JMJD1C: variants seen among roughly 807,000 people sequenced by gnomAD.
JMJD1C encodes jumonji domain containing 1C, also known as jumonji domain-containing protein 1C.
Under a neutral mutation model 245.3 loss-of-function variants are expected in JMJD1C, and 31 were observed. The observed-to-expected ratio is 0.13, with a 90% confidence interval of 0.09 to 0.17. JMJD1C has a LOEUF of 0.17. Ranked by LOEUF, JMJD1C falls within the 10% of genes least tolerant of loss-of-function variation. JMJD1C has a pLI of 1.00. For missense variants in JMJD1C, 2,691 were observed against 3,000.2 expected, an observed-to-expected ratio of 0.90 and a Z score of 2.41; for synonymous variants, 1,057 against 1,017.4, an observed-to-expected ratio of 1.04 and a Z score of -0.74.
chr10:63,225,903 G>A (rs1339364535), intron 3 of JMJD1C, among the ~76,000 whole-genome samples: 1 of 152,058 alleles, frequency 6.6e-6, no homozygotes, highest in East Asian at 1.9e-4. Context: ...GTTCAGAGAG[G>A]TTCATGGTTA....
chr10:63,428,023 T>A, intron 1 of JMJD1C: 1 of 615,134 alleles, frequency 1.6e-6, no homozygotes, highest in Non-Finnish European at 3.0e-6. Context: ...CTGTACTTTA[T>A]CATTAAAAAT....
At chr10:63,516,905 C>G (rs1437751286) in intron 1 of JMJD1C, among the ~76,000 whole-genome samples, 2 of 152,058 alleles carry the variant, frequency 1.3e-5, no homozygotes, top group African/African-American at 2.4e-5. Flanking sequence ...CCAAACTGAA[C>G]CTCTGTTGTA....
At chr10:63,192,657 C>T (rs983290816) in intron 16 of JMJD1C, among the ~76,000 whole-genome samples, 1 of 152,074 alleles carries the variant, frequency 6.6e-6, no homozygotes, top group African/African-American at 2.4e-5. Context: ...ATCGCCTGGG[C>T]CTGAGAGGTC....
intron 2 of JMJD1C, among the ~76,000 whole-genome samples, chr10:63,368,813 A>T (rs1946065708): frequency 2.0e-5 from 3 of 152,040 alleles, no homozygotes; most frequent in Admixed American, 1.3e-4. Flanking sequence ...CAGCCTCCCA[A>T]GTAGCTGGGA....
intron 3 of JMJD1C, among the ~76,000 whole-genome samples, chr10:63,253,140 G>A (rs1022946279): frequency 7.9e-5 from 12 of 152,086 alleles, no homozygotes; most frequent in African/African-American, 2.4e-4. Flanking sequence ...ATTATTCAGC[G>A]GTAGAAAAGT....
At chr10:63,323,890 T>C (rs1335905609) in intron 2 of JMJD1C, among the ~76,000 whole-genome samples, 1 of 152,110 alleles carries the variant, frequency 6.6e-6, no homozygotes, top group Non-Finnish European at 1.5e-5. Context: ...CAAAATCCCA[T>C]GATCTGCAGC....
At chr10:63,432,798 T>C (rs1323004419) in intron 1 of JMJD1C, among the ~76,000 whole-genome samples, 1 of 152,204 alleles carries the variant, frequency 6.6e-6, no homozygotes, top group Admixed American at 6.5e-5. Flanking sequence ...ACATTGTTGA[T>C]GTTTATTTTA....
chr10:63,169,715 C>T (rs1842175057), intron 24 of JMJD1C, among the ~76,000 whole-genome samples: 1 of 152,192 alleles, frequency 6.6e-6, no homozygotes, highest in Non-Finnish European at 1.5e-5. Context: ...TTTCTTTAAT[C>T]ATTAGGCTGT....
intron 1 of JMJD1C, among the ~76,000 whole-genome samples, chr10:63,479,974 G>A (rs1298544199): frequency 6.6e-6 from 1 of 152,132 alleles, no homozygotes; most frequent in African/African-American, 2.4e-5. Context: ...TTCTTTGGGT[G>A]ATAGATTTGC....
chr10:63,245,469 A>G (rs1017737204), intron 3 of JMJD1C, among the ~76,000 whole-genome samples: 2 of 127,242 alleles, frequency 1.6e-5, no homozygotes, highest in African/African-American at 5.7e-5. Flanking sequence ...GAGCTTCTGC[A>G]GGGGAACTCT....
chr10:63,313,411 G>C (rs555638101), intron 2 of JMJD1C, among the ~76,000 whole-genome samples: 1 of 152,240 alleles, frequency 6.6e-6, no homozygotes, highest in East Asian at 1.9e-4. Context: ...ACATGACTGT[G>C]CAAGTATCTT....
intron 3 of JMJD1C, among the ~76,000 whole-genome samples, chr10:63,250,835 G>A (rs1852959509): frequency 6.6e-6 from 1 of 152,104 alleles, no homozygotes; most frequent in Non-Finnish European, 1.5e-5. Context: ...CGATCTCCTG[G>A]GCTCAAGCAA....
chr10:63,330,504 TTACATA>T (rs1232557877), intron 2 of JMJD1C, among the ~76,000 whole-genome samples: 2 of 152,164 alleles, frequency 1.3e-5, no homozygotes, highest in Non-Finnish European at 2.9e-5. Context: ...CAAAGGTTTA[TTACATA>T]TAAAGAGGCA....
intron 1 of JMJD1C, among the ~76,000 whole-genome samples, chr10:63,433,000 G>C (rs1950854207): frequency 6.6e-6 from 1 of 152,108 alleles, no homozygotes; most frequent in Non-Finnish European, 1.5e-5. Context: ...TCTCTTCACT[G>C]TCAACCTACC....
Position 63,317,053 on chromosome 10 carries a change from T to A in JMJD1C, c.334-52289A>T, listed in dbSNP as rs568507141. ...TTTTGTATTTTTAGAAGAGACGGGGTTTTGCCATGTTGGCCAGGCTGGTTT... is the reference window on the plus strand; with the variant it reads ...TTTTGTATTTTTAGAAGAGACGGGGATTTGCCATGTTGGCCAGGCTGGTTT... On this transcript the variant is annotated intron_variant, in intron 2 of 25. Transcript: ENST00000399262. Among the ~76,000 whole-genome samples the A allele has an allele frequency of 9.4e-4, 143 of 151,352 alleles. 1 individual carries two copies. Among genetic ancestry groups the A allele is most frequent in the African/African-American group, 3.4e-3 (141 of 41,264 alleles).
rs1946289263 is a variant in JMJD1C, at chr10:63,371,188, C to T, written c.333+9130G>A. 2.0e-5 allele frequency among the ~76,000 whole-genome samples: 3 copies of T among 150,590 alleles called. No individual in the cohort carries two copies. In the South Asian group the frequency reaches 6.3e-4, roughly 31 times the overall value. ...TAGGGATGAGGGTATAGCTATGCTG[C>T]CCTGGCTGGTCTTGAACTCCTGGAC... On this transcript the variant is annotated intron_variant, in intron 2 of 25. Coordinates refer to ENST00000399262, the MANE Select transcript of JMJD1C (RefSeq NM_032776.3).
chr10:63,348,927 CCCG>C (rs1944088595), intron 2 of JMJD1C, among the ~76,000 whole-genome samples: 1 of 151,788 alleles, frequency 6.6e-6, no homozygotes, highest in Non-Finnish European at 1.5e-5. Flanking sequence ...ATGGTGAAAC[CCCG>C]TCTCTACTAA....
At chr10:63,331,675 C>T (rs1420212556) in intron 2 of JMJD1C, among the ~76,000 whole-genome samples, 1 of 152,176 alleles carries the variant, frequency 6.6e-6, no homozygotes, top group Non-Finnish European at 1.5e-5. Flanking sequence ...TACAGTGGTG[C>T]AATCTCAGCT....
In JMJD1C at chr10:63,275,169, A is replaced by T. The variant is rs79475324; in HGVS notation, c.334-10405T>A. Among the ~76,000 whole-genome samples, 726 of 152,364 alleles carry T rather than the reference A, an allele frequency of 4.8e-3. 6 individuals carry two copies. Among genetic ancestry groups the T allele is most frequent in the African/African-American group, 0.017 (713 of 41,592 alleles). ...TGTTTGTCAAAAATCTTGTTTATAGAAGTGCTAGGACCAGAACTTGGATTT... is the reference window on the plus strand; with the variant it reads ...TGTTTGTCAAAAATCTTGTTTATAGTAGTGCTAGGACCAGAACTTGGATTT... On this transcript the variant is annotated intron_variant, in intron 2 of 25. Coordinates refer to ENST00000399262, the MANE Select transcript of JMJD1C (RefSeq NM_032776.3).
Sources: allele counts gnomAD v4.1 joint callset (sites outside exome capture counted in the v4.1 genomes callset), GRCh38; gene constraint gnomAD v4.1.1; transcripts MANE v1.5; gene names NCBI Gene and HGNC (gene_info 2026-07-23, HGNC 2026-07-21).